Variants in NEK10 observed in about 807,000 individuals in gnomAD.
The protein encoded by NEK10 is serine/threonine-protein kinase Nek10.
NEK10 carries 122 observed loss-of-function variants against 159.8 expected under a neutral mutation model. The observed-to-expected ratio is 0.76, with a 90% confidence interval of 0.66 to 0.89. The LOEUF is 0.89. NEK10 is among the 40% of genes least tolerant of loss of function. The pLI is 0.00. For missense variants in NEK10, 1,342 were observed against 1,323.1 expected, an observed-to-expected ratio of 1.01 and a Z score of -0.22; for synonymous variants, 466 against 457.1, an observed-to-expected ratio of 1.02 and a Z score of -0.25.
At chr3:27,332,352 T>C (rs1201706968) in intron 5 of NEK10, among the ~76,000 whole-genome samples, 2 of 152,214 alleles carry the variant, frequency 1.3e-5, no homozygotes, top group Non-Finnish European at 2.9e-5. Context: ...TTACTTTTGA[T>C]TTTGCAAGAA....
chr3:27,357,326 C>A (rs546285737), intron 1 of NEK10, among the ~76,000 whole-genome samples: 271 of 152,162 alleles, frequency 1.8e-3, no homozygotes, highest in African/African-American at 5.1e-3. Context: ...TAAAAAAAAC[C>A]TGTGTTATTA....
chr3:27,295,832 A>G, intron 14 of NEK10, 142 bp from the exon 15 acceptor site: 1 of 1,150,236 alleles, frequency 8.7e-7, no homozygotes, highest in Non-Finnish European at 1.1e-6. Flanking sequence ...ACATTACAGG[A>G]CAATATTTAA....
chr3:27,343,944 T>A (rs959049880), intron 5 of NEK10, among the ~76,000 whole-genome samples: 1 of 152,222 alleles, frequency 6.6e-6, no homozygotes, highest in Non-Finnish European at 1.5e-5. Flanking sequence ...AAGTGCAGCA[T>A]AAGAATGTTG....
chr3:27,223,870 A>G (rs1952368241), intron 23 of NEK10, among the ~76,000 whole-genome samples: 1 of 152,078 alleles, frequency 6.6e-6, no homozygotes, highest in South Asian at 2.1e-4. Flanking sequence ...CATACTCAAA[A>G]CTAAATTAAT....
At chr3:27,267,545 T>C (rs1368666903) in intron 22 of NEK10, among the ~76,000 whole-genome samples, 1 of 152,224 alleles carries the variant, frequency 6.6e-6, no homozygotes, top group Non-Finnish European at 1.5e-5. Context: ...ATATCTGTTA[T>C]GGTTATCTGT....
intron 3 of NEK10, among the ~76,000 whole-genome samples, chr3:27,347,518 A>G (rs2047649054): frequency 1.3e-5 from 2 of 151,476 alleles, no homozygotes; most frequent in Admixed American, 6.6e-5. Flanking sequence ...AAAAAAAAAA[A>G]AAAAAAAAAA....
intron 26 of NEK10, among the ~76,000 whole-genome samples, chr3:27,185,629 C>T (rs901132265): frequency 2.0e-5 from 3 of 152,188 alleles, no homozygotes; most frequent in African/African-American, 7.2e-5. Flanking sequence ...TAAGCCAGTT[C>T]CTTGCAATAA....
chr3:27,111,581 GCTTGTATACTTGAATAC>G, intron 35 of NEK10, among the ~76,000 whole-genome samples: 1 of 152,258 alleles, frequency 6.6e-6, no homozygotes, highest in East Asian at 1.9e-4. Context: ...ATTCAAAATA[GCTTGTATACTTGAATAC>G]CTGTGTAGGT....
chr3:27,144,731 T>TA (rs1333261827), intron 30 of NEK10, among the ~76,000 whole-genome samples: 1 of 152,136 alleles, frequency 6.6e-6, no homozygotes, highest in African/African-American at 2.4e-5. Flanking sequence ...ATTACATTAT[T>TA]AAAAAATTGA....
At chr3:27,288,207 T>C (rs2042755458) in intron 19 of NEK10, among the ~76,000 whole-genome samples, 1 of 152,236 alleles carries the variant, frequency 6.6e-6, no homozygotes, top group Non-Finnish European at 1.5e-5. Flanking sequence ...TATTTCTGTC[T>C]TTCTATGCTC....
intron 13 of NEK10, among the ~76,000 whole-genome samples, chr3:27,298,182 T>C (rs1203410329): frequency 1.3e-5 from 2 of 152,166 alleles, no homozygotes; most frequent in African/African-American, 4.8e-5. Context: ...CCAAATCTCA[T>C]CATGAATTGT....
At chr3:27,203,589 C>T (rs1950229198) in intron 23 of NEK10, among the ~76,000 whole-genome samples, 1 of 151,396 alleles carries the variant, frequency 6.6e-6, no homozygotes, top group South Asian at 2.1e-4. Context: ...CACACACACC[C>T]TAAATTAAGT....
At chr3:27,245,876 G>C (rs1193887946) in intron 23 of NEK10, among the ~76,000 whole-genome samples, 1 of 152,014 alleles carries the variant, frequency 6.6e-6, no homozygotes, top group Non-Finnish European at 1.5e-5. Flanking sequence ...ATTTCCTCTT[G>C]AATCTTGTTC....
intron 22 of NEK10, among the ~76,000 whole-genome samples, chr3:27,281,386 A>C (rs2042149947): frequency 6.6e-6 from 1 of 152,052 alleles, no homozygotes; most frequent in South Asian, 2.1e-4. Context: ...CATCCAAAGC[A>C]GTGGATAAAG....
chr3:27,241,170 A>G (rs534061491), intron 23 of NEK10, among the ~76,000 whole-genome samples: 1 of 152,308 alleles, frequency 6.6e-6, no homozygotes, highest in African/African-American at 2.4e-5. Flanking sequence ...TATTCAGCAT[A>G]GAAGAATTTG....
chr3:27,261,606 G>C (rs1287180537), intron 22 of NEK10, among the ~76,000 whole-genome samples: 1 of 152,122 alleles, frequency 6.6e-6, no homozygotes, highest in African/African-American at 2.4e-5. Flanking sequence ...TATAATTTCT[G>C]TTCTTTTACA....
chr3:27,152,725 G>T (rs921350681), intron 30 of NEK10, among the ~76,000 whole-genome samples: 1 of 152,096 alleles, frequency 6.6e-6, no homozygotes, highest in Non-Finnish European at 1.5e-5. Context: ...CAGAACCACA[G>T]AATGGATCAG....
At chr3:27,158,054 C>T (rs773708121) in intron 30 of NEK10, among the ~76,000 whole-genome samples, 13 of 152,032 alleles carry the variant, frequency 8.6e-5, no homozygotes, top group Non-Finnish European at 1.6e-4. Context: ...CATTGGAAAA[C>T]CAAAAAATTC....
chr3:27,295,502 A>T, intron 15 of NEK10, 111 bp downstream of exon 15: 3 of 1,253,362 alleles, frequency 2.4e-6, no homozygotes, highest in Non-Finnish European at 3.1e-6. Context: ...CCTCATAGTC[A>T]GTACAGGGAC....
Sources: gnomAD v4.1 joint callset for allele counts (sites outside exome capture counted in the v4.1 genomes callset) on GRCh38, gnomAD v4.1.1 for gene constraint, MANE v1.5 for transcripts, NCBI Gene and HGNC (gene_info 2026-07-23, HGNC 2026-07-21) for gene names.